Variants in IP6K3 observed in about 807,000 individuals in gnomAD.
The protein encoded by IP6K3 is inositol hexakisphosphate kinase 3.
A neutral mutation model predicts 28.8 loss-of-function variants in IP6K3; 20 were observed. The ratio of observed to expected loss-of-function variants is 0.70; its 90% CI spans 0.49 to 1.01. IP6K3 has a LOEUF of 1.01. Ranked by LOEUF, IP6K3 falls within the 50% of genes least tolerant of loss-of-function variation. IP6K3 has a pLI of 0.00. For synonymous variants in IP6K3, 213 were observed against 221.3 expected (o/e 0.96, Z 0.33); for missense variants, 480 against 537.1 (o/e 0.89, Z 1.05).
intron 2 of IP6K3, among the ~76,000 whole-genome samples, chr6:33,732,979 G>A (rs1249917044): frequency 6.6e-6 from 1 of 152,232 alleles, no homozygotes; most frequent in Non-Finnish European, 1.5e-5. Context: ...TCATTAGTTA[G>A]TGCTTGGGCA....
At chr6:33,758,593 T>TTTTGTTG in the IP6K3 span, among the ~76,000 whole-genome samples, 1 of 152,074 alleles carries the variant, frequency 6.6e-6, no homozygotes, top group African/African-American at 2.4e-5. Context: ...AAAAAGTTTT[T>TTTTGTTG]TTTGTTGTTG....
rs371104905 is a variant in IP6K3, at chr6:33,722,125, C to T, written c.*595G>A. On this transcript the variant is annotated 3_prime_UTR_variant, in exon 6 of 6. Transcript: ENST00000293756. ...TGGAGAATCTGGGGTCTTGCTTTGCCAGAGCTCATGCCTGGGCTTGGCTTT... is the reference window on the plus strand; with the variant it reads ...TGGAGAATCTGGGGTCTTGCTTTGCTAGAGCTCATGCCTGGGCTTGGCTTT... 3 of 152,208 alleles carry T rather than the reference C, an allele frequency of 2.0e-5. No individual in the cohort carries two copies. The highest frequency in any genetic ancestry group is 7.2e-5 in the African/African-American group (3 of 41,444). The allele number at this position is 152,208 out of a possible 1,614,324, so 9.4% of individuals were successfully genotyped here.
the IP6K3 span, among the ~76,000 whole-genome samples, chr6:33,756,353 A>G: frequency 6.7e-6 from 1 of 149,574 alleles, no homozygotes; most frequent in Non-Finnish European, 1.5e-5. Context: ...TAGATGTGGG[A>G]AGAGGAGGCC....
upstream of IP6K3, among the ~76,000 whole-genome samples, chr6:33,749,340 C>T (rs1766989914): frequency 6.6e-6 from 1 of 152,116 alleles, no homozygotes; most frequent in East Asian, 1.9e-4. Flanking sequence ...CTGAGACATA[C>T]AGCAGTAAAC....
the IP6K3 span, among the ~76,000 whole-genome samples, chr6:33,762,128 C>T: frequency 6.6e-6 from 1 of 152,144 alleles, no homozygotes; most frequent in African/African-American, 2.4e-5. Context: ...GCCCGGAGCC[C>T]TTGTGTGTTC....
chr6:33,761,266 G>C, the IP6K3 span, among the ~76,000 whole-genome samples: 3 of 151,986 alleles, frequency 2.0e-5, no homozygotes, highest in Non-Finnish European at 4.4e-5. Flanking sequence ...CTCCAAAGTA[G>C]CCCACCTGCC....
At chr6:33,753,801 C>T in the IP6K3 span, among the ~76,000 whole-genome samples, 1 of 150,576 alleles carries the variant, frequency 6.6e-6, no homozygotes, top group African/African-American at 2.4e-5. Flanking sequence ...TTGGCCTTTA[C>T]TTTATTTTAT....
At chr6:33,747,960 G>C (rs911125599), upstream of IP6K3, among the ~76,000 whole-genome samples, 1 of 152,078 alleles carries the variant, frequency 6.6e-6, no homozygotes, top group Non-Finnish European at 1.5e-5. This position sits in a 1 kb window ranked among gnomAD's most constrained non-coding sequence, Gnocchi z 5.2. Context: ...CGGGAGAGAG[G>C]GGGTGGGAGC....
upstream of IP6K3, among the ~76,000 whole-genome samples, chr6:33,748,161 C>T (rs963218541): frequency 2.0e-5 from 3 of 152,142 alleles, no homozygotes; most frequent in South Asian, 2.1e-4. Flanking sequence ...CTGCTTGCTC[C>T]ACTCGGGCCC....
At chr6:33,755,822 T>G in the IP6K3 span, among the ~76,000 whole-genome samples, 1 of 152,270 alleles carries the variant, frequency 6.6e-6, no homozygotes, top group African/African-American at 2.4e-5. Flanking sequence ...AAACCATTGA[T>G]GTTAACTGGC....
upstream of IP6K3, among the ~76,000 whole-genome samples, chr6:33,747,738 C>T (rs1163881868): frequency 4.6e-5 from 7 of 151,932 alleles, no homozygotes; most frequent in Non-Finnish European, 7.4e-5. This position sits in a 1 kb window ranked among gnomAD's most constrained non-coding sequence, Gnocchi z 5.2. Flanking sequence ...GGGGCAGGGA[C>T]GAGGTGGCCT....
the IP6K3 span, among the ~76,000 whole-genome samples, chr6:33,758,863 T>G: frequency 2.0e-5 from 3 of 152,056 alleles, no homozygotes; most frequent in Non-Finnish European, 4.4e-5. Flanking sequence ...CCTCCCAAAG[T>G]GCTGGGATTA....
chr6:33,749,186 C>T (rs1444427774), upstream of IP6K3, among the ~76,000 whole-genome samples: 1 of 152,104 alleles, frequency 6.6e-6, no homozygotes, highest in Non-Finnish European at 1.5e-5. Context: ...AGTGCCCTGG[C>T]CCCCAGGTCT....
At chr6:33,751,672 G>A (rs539759451), upstream of IP6K3, among the ~76,000 whole-genome samples, 1 of 152,258 alleles carries the variant, frequency 6.6e-6, no homozygotes, top group South Asian at 2.1e-4. The surrounding 1 kb of genome is among the most constrained non-coding windows in gnomAD (Gnocchi z 4.3). Flanking sequence ...TGTGAGGGAG[G>A]GGCCATCATT....
At position 33,723,145 on chromosome 6, in the gene IP6K3, A is replaced by G. The variant is rs758710350; in HGVS notation, c.808T>C (p.Tyr270His). 8.7e-6 allele frequency: 14 copies of G among 1,605,644 alleles called. No individual in the cohort carries two copies. Among genetic ancestry groups the G allele is most frequent in the Non-Finnish European group, 1.7e-6 (2 of 1,175,874 alleles). The change falls in exon 6 of 6, where the codon TAC (tyrosine) becomes CAC (histidine). Residue 270 changes from tyrosine (Y) to histidine (H), a missense_variant. Coordinates refer to ENST00000293756, the MANE Select transcript of IP6K3 (RefSeq NM_054111.5). ...DKKYFLCKDK[Y>H]YGRKLSVEGF... ...TCCACTGAGAGTTTTCTTCCATAGT[A>G]CTTGTCTTTGCAGAGAAAGTACTTC... is the stretch of plus-strand genomic sequence containing the variant.
chr6:33,734,809 G>C (rs947642885), intron 2 of IP6K3, among the ~76,000 whole-genome samples: 3 of 152,228 alleles, frequency 2.0e-5, no homozygotes, highest in Admixed American at 2.0e-4. Flanking sequence ...GGGTGAGGGC[G>C]GGAGTTCTGG....
chr6:33,722,386 T>G lies in IP6K3; in HGVS notation c.*334A>C. 5.1e-6 allele frequency: 1 copy of G among 197,010 alleles called. No individual in the cohort carries two copies. Among genetic ancestry groups the G allele is most frequent in the Non-Finnish European group, 1.0e-5 (1 of 95,372 alleles). The allele number at this position is 197,010 out of a possible 1,614,324, so 12.2% of individuals were successfully genotyped here. A position where few individuals can be genotyped will look rare whatever the true frequency, so the allele number is the denominator to read the frequency against. ...GTGCGGACTGCAGCATGGCAACGAG[T>G]AAACATTTTTAGATGCAAATATTCC... On this transcript the variant is annotated 3_prime_UTR_variant, in exon 6 of 6. Coordinates refer to ENST00000293756, the MANE Select transcript of IP6K3 (RefSeq NM_054111.5).
At chr6:33,753,909 C>T in the IP6K3 span, among the ~76,000 whole-genome samples, 15 of 152,018 alleles carry the variant, frequency 9.9e-5, no homozygotes, top group Admixed American at 9.8e-4. Context: ...CCCGGGTTCA[C>T]GCCATTCTCC....
chr6:33,743,517 C>T (rs1347577573), intron 1 of IP6K3, among the ~76,000 whole-genome samples: 5 of 152,180 alleles, frequency 3.3e-5, no homozygotes, highest in Non-Finnish European at 7.3e-5. Flanking sequence ...TGGAGTTTCT[C>T]ACATGGCTGA....
Sources: allele counts gnomAD v4.1 joint callset (sites outside exome capture counted in the v4.1 genomes callset), GRCh38; gene constraint gnomAD v4.1.1; non-coding constraint Gnocchi (gnomAD v3.1); transcripts MANE v1.5; gene names NCBI Gene and HGNC (gene_info 2026-07-23, HGNC 2026-07-21).